The following CSMD1 variants were observed in gnomAD, a reference collection of about 807,000 sequenced individuals.
The protein encoded by CSMD1 is CUB and Sushi multiple domains 1.
CSMD1 carries 213 observed loss-of-function variants against 417.5 expected under a neutral mutation model. That is an observed-to-expected ratio of 0.51 (90% confidence interval 0.46 to 0.57). CSMD1 has a LOEUF of 0.57. CSMD1 is among the 20% of genes least tolerant of loss of function. The pLI is 0.00. For missense variants in CSMD1, 6,923 were observed against 4,529.7 expected, an observed-to-expected ratio of 1.53 and a Z score of -15.17; for synonymous variants, 2,862 against 1,736.8, an observed-to-expected ratio of 1.65 and a Z score of -16.11.
chr8:4,804,065 A>G (rs1021171036), intron 1 of CSMD1, among the ~76,000 whole-genome samples: 2 of 152,200 alleles, frequency 1.3e-5, no homozygotes, highest in African/African-American at 2.4e-5. Context: ...GGTGTGTTCT[A>G]TTTCATGGTT....
chr8:4,615,622 C>T (rs1319926916), intron 2 of CSMD1, among the ~76,000 whole-genome samples: 1 of 152,110 alleles, frequency 6.6e-6, no homozygotes, highest in Non-Finnish European at 1.5e-5. Context: ...AGCCAAAAGT[C>T]ATTCTTAAAT....
intron 3 of CSMD1, among the ~76,000 whole-genome samples, chr8:4,095,252 AAGAGGTTC>A (rs1794649116): frequency 6.6e-6 from 1 of 152,184 alleles, no homozygotes; most frequent in Non-Finnish European, 1.5e-5. Context: ...CATGTTCCCT[AAGAGGTTC>A]CTCCGAGGAG....
intron 1 of CSMD1, among the ~76,000 whole-genome samples, chr8:4,989,797 C>T (rs569846116): frequency 2.0e-5 from 3 of 152,176 alleles, no homozygotes; most frequent in African/African-American, 4.8e-5. Flanking sequence ...TTTGCTGTAT[C>T]GTCTGCTTAT....
chr8:3,429,608 C>G (rs779916763), intron 12 of CSMD1, among the ~76,000 whole-genome samples: 2 of 152,082 alleles, frequency 1.3e-5, no homozygotes, highest in Admixed American at 1.3e-4. Context: ...AATATCTTGA[C>G]GAGGGGTGGT....
chr8:3,337,289 T>G (rs779255030), intron 23 of CSMD1, among the ~76,000 whole-genome samples: 16 of 152,178 alleles, frequency 1.1e-4, no homozygotes, highest in Non-Finnish European at 1.9e-4. Flanking sequence ...ATAAATTGCT[T>G]TTATTATTCA....
intron 2 of CSMD1, among the ~76,000 whole-genome samples, chr8:4,607,320 G>A (rs1216821962): frequency 6.6e-6 from 1 of 152,128 alleles, no homozygotes; most frequent in South Asian, 2.1e-4. Context: ...GTATCAGAAT[G>A]TTAAGGGTTA....
chr8:3,797,472 A>AC (rs1800222515), intron 5 of CSMD1, among the ~76,000 whole-genome samples: 1 of 151,876 alleles, frequency 6.6e-6, no homozygotes, highest in Admixed American at 6.6e-5. Context: ...TGGTTTTATT[A>AC]CCATAAATTC....
At chr8:3,242,999 C>T (rs550642759) in intron 26 of CSMD1, among the ~76,000 whole-genome samples, 2 of 152,198 alleles carry the variant, frequency 1.3e-5, no homozygotes, top group South Asian at 2.1e-4. Flanking sequence ...AGTCCGTGAC[C>T]AGCGCCGGAG....
chr8:4,793,693 G>C (rs1387633809), intron 1 of CSMD1, among the ~76,000 whole-genome samples: 1 of 152,078 alleles, frequency 6.6e-6, no homozygotes, highest in Non-Finnish European at 1.5e-5. Flanking sequence ...AGTGTACATG[G>C]AGAGGTTGGA....
At chr8:3,041,086 A>G (rs1213967093) in intron 50 of CSMD1, among the ~76,000 whole-genome samples, 1 of 152,198 alleles carries the variant, frequency 6.6e-6, no homozygotes, top group Non-Finnish European at 1.5e-5. Flanking sequence ...AACCAACATG[A>G]AAATGGCTGA....
Position 4,692,639 on chromosome 8 carries a change from G to C in CSMD1, c.86-55081C>G, listed in dbSNP as rs550654234. ...ATGTGGGGTCCGTGAGGCTGCAGCA[G>C]ACAAGGACTGACCAACTGTCCTGGT... On this transcript the variant is annotated intron_variant, in intron 1 of 69. Coordinates refer to ENST00000635120, the MANE Select transcript of CSMD1 (RefSeq NM_033225.6). Among the ~76,000 whole-genome samples, 4 of 152,282 alleles carry C rather than the reference G, an allele frequency of 2.6e-5. 1 individual carries two copies. The South Asian group carries it at 8.3e-4, about 32-fold the overall frequency.
intron 7 of CSMD1, among the ~76,000 whole-genome samples, chr8:3,653,016 C>A (rs547754952): frequency 6.6e-6 from 1 of 152,118 alleles, no homozygotes; most frequent in Non-Finnish European, 1.5e-5. Context: ...TCAAATTATA[C>A]TAGAAGCCAA....
At chr8:4,183,427 C>T (rs922910135) in intron 3 of CSMD1, among the ~76,000 whole-genome samples, 1 of 152,166 alleles carries the variant, frequency 6.6e-6, no homozygotes, top group African/African-American at 2.4e-5. Flanking sequence ...TACTGTGGGT[C>T]ACAGCTTGTC....
chr8:4,446,213 T>C (rs1306270005), intron 2 of CSMD1, among the ~76,000 whole-genome samples: 5 of 152,282 alleles, frequency 3.3e-5, no homozygotes, highest in African/African-American at 1.2e-4. Flanking sequence ...TTTTCCACAA[T>C]CATCTATTTC....
At chr8:4,151,393 A>C (rs993283763) in intron 3 of CSMD1, among the ~76,000 whole-genome samples, 3 of 152,240 alleles carry the variant, frequency 2.0e-5, no homozygotes, top group African/African-American at 4.8e-5. Context: ...CTGCTGACCA[A>C]GAAAAATACT....
chr8:3,977,017 G>T (rs561151320), intron 5 of CSMD1, among the ~76,000 whole-genome samples: 1 of 152,294 alleles, frequency 6.6e-6, no homozygotes, highest in Non-Finnish European at 1.5e-5. Flanking sequence ...GAAGGTGCCT[G>T]CAGGGAATGG....
At chr8:3,833,359 G>A (rs971579009) in intron 5 of CSMD1, among the ~76,000 whole-genome samples, 4 of 151,980 alleles carry the variant, frequency 2.6e-5, no homozygotes, top group Non-Finnish European at 5.9e-5. Context: ...TATATACAAC[G>A]GCATTTCCTC....
At chr8:4,768,656 A>G (rs1468428262) in intron 1 of CSMD1, among the ~76,000 whole-genome samples, 1 of 152,168 alleles carries the variant, frequency 6.6e-6, no homozygotes, top group Non-Finnish European at 1.5e-5. Flanking sequence ...AGTACAGTCA[A>G]TCACAGATGG....
At chr8:4,794,627 T>C (rs890358467) in intron 1 of CSMD1, among the ~76,000 whole-genome samples, 1 of 152,128 alleles carries the variant, frequency 6.6e-6, no homozygotes, top group African/African-American at 2.4e-5. Context: ...ATGTGCTCCA[T>C]AGTCAGGAAC....
Sources: gnomAD v4.1 joint callset for allele counts (sites outside exome capture counted in the v4.1 genomes callset) on GRCh38, gnomAD v4.1.1 for gene constraint, MANE v1.5 for transcripts, NCBI Gene and HGNC (gene_info 2026-07-23, HGNC 2026-07-21) for gene names.